CYLC2: variants seen among roughly 807,000 people sequenced by gnomAD.
The protein encoded by CYLC2 is cylicin 2.
CYLC2 carries 30 observed loss-of-function variants against 26.1 expected under a neutral mutation model. That is an observed-to-expected ratio of 1.15 (90% CI 0.86 to 1.56). CYLC2 has a LOEUF of 1.56. Among genes scored for constraint, CYLC2 ranks in the 40% most tolerant of loss-of-function variants. CYLC2 has a pLI of 0.00. For synonymous variants in CYLC2, 158 were observed against 132.8 expected (o/e 1.19, Z -1.31); for missense variants, 498 against 394.4 (o/e 1.26, Z -2.23).
At position 103,014,526 on chromosome 9, in the gene CYLC2, C is replaced by T. The variant is rs1359138397; in HGVS notation, c.*817-2362C>T. On this transcript the variant is annotated intron_variant, in intron 6 of 7. Transcript: ENST00000374798. The stretch of plus-strand genomic sequence containing the variant: ...ATATATGTAATATACATAATATATG[C>T]AATATACATCATATGTATATTATGC... 2.9e-3 allele frequency among the ~76,000 whole-genome samples: 388 copies of T among 135,236 alleles called. 4 individuals are homozygous for T. The highest frequency in any genetic ancestry group is 9.9e-3 in the African/African-American group (364 of 36,714). The allele number at this position is 135,236 out of a possible 152,430, so 88.7% of individuals were successfully genotyped here. A position where few individuals can be genotyped will look rare whatever the true frequency, so the allele number is the denominator to read the frequency against.
Position 103,004,839 on chromosome 9 carries a change from T to C in CYLC2, c.325T>C (p.Ser109Pro). The C allele has an allele frequency of 6.2e-7, 1 of 1,609,548 alleles. No individual in the cohort carries two copies. The highest frequency in any genetic ancestry group is 8.5e-7 in the Non-Finnish European group (1 of 1,178,926). Residue 109 changes from serine to proline, a missense_variant, in exon 4 of 8, where the codon TCT becomes CCT. Ser to Pro is a moderately conservative substitution (Grantham distance 74). Coordinates refer to ENST00000374798, the MANE Select transcript of CYLC2 (RefSeq NM_001340.5). ...LKPTRTVEVD[S>P]KAAEIGKKGE... ...ACCAACTCGTACTGTCGAGGTGGAT[T>C]CTAAAGCAGCAGGTAGAGATAACTT...
At chr9:103,015,386 A>AATAT (rs35076749) in intron 6 of CYLC2, among the ~76,000 whole-genome samples, 3 of 64,430 alleles carry the variant, frequency 4.7e-5, no homozygotes, top group Non-Finnish European at 8.5e-5. Context: ...ATATATATTA[A>AATAT]ATATATATAT....
intron 6 of CYLC2, among the ~76,000 whole-genome samples, chr9:103,013,342 T>C (rs1404888598): frequency 1.4e-5 from 1 of 71,570 alleles, no homozygotes; most frequent in Non-Finnish European, 2.4e-5. Flanking sequence ...TAATATATTA[T>C]ATAAATATAT....
chr9:102,997,608 A>C (rs1829250759), intron 1 of CYLC2, among the ~76,000 whole-genome samples: 1 of 151,980 alleles, frequency 6.6e-6, no homozygotes. Context: ...CCTGCAGCTG[A>C]TGCAGATTCC....
At chr9:103,007,571 T>C (rs926602272) in intron 5 of CYLC2, among the ~76,000 whole-genome samples, 1 of 152,198 alleles carries the variant, frequency 6.6e-6, no homozygotes, top group Admixed American at 6.5e-5. Flanking sequence ...TATTAAACTC[T>C]GTTGTGACCC....
Position 103,004,797 on chromosome 9 carries a change from A to T in CYLC2, c.283A>T (p.Arg95Trp). 6.2e-7 allele frequency: 1 copy of T among 1,612,730 alleles called. No homozygotes were observed. Among genetic ancestry groups the T allele is most frequent in the African/African-American group, 1.3e-5 (1 of 74,992 alleles). The change falls in exon 4 of 8, where the codon AGG becomes TGG. Residue 95 changes from arginine to tryptophan, a missense_variant. Arg to Trp is a moderately radical substitution (Grantham distance 101). Transcript: ENST00000374798. ...GAGACCATCTGTTTATTTAGCTGCC[A>T]GGAGGCAGCCTCTCAAACCAACTCG... is the stretch of plus-strand genomic sequence containing the variant. ...SERPSVYLAA[R>W]RQPLKPTRTV... is the part of the protein sequence containing the mutation.
At chr9:103,014,417 ACAT>A (rs1284308505) in intron 6 of CYLC2, among the ~76,000 whole-genome samples, 1 of 71,852 alleles carries the variant, frequency 1.4e-5, no homozygotes, top group Non-Finnish European at 2.8e-5. Context: ...ACGTAATGTA[ACAT>A]AATAACATAA....
In CYLC2 at chr9:103,005,463, A is replaced by T; in HGVS notation, c.832A>T (p.Ser278Cys). 6.2e-7 allele frequency: 1 copy of T among 1,613,670 alleles called. No homozygotes were observed. Among genetic ancestry groups the T allele is most frequent in the Non-Finnish European group, 8.5e-7 (1 of 1,179,914 alleles). ...KKGKKDKKKP[S>C]STDSDSKDDV... is the part of the protein sequence containing the mutation. ...AGGTAAGAAAGATAAGAAGAAGCCC[A>T]GTAGTACAGACAGTGACTCAAAGGA... The change falls in exon 5 of 8, where the codon AGT (serine) becomes TGT (cysteine). Residue 278 changes from serine (S) to cysteine (C), a missense_variant. By Grantham distance (112) the Ser-to-Cys change is moderately radical. Transcript: ENST00000374798.
Position 103,005,800 on chromosome 9 carries a change from A to G in CYLC2, c.*122A>G. The stretch of plus-strand genomic sequence containing the variant: ...GCCTCAAAGAATTAAATAATTTTTA[A>G]AAGGTGGTAAAGAAGGATACAAAGG... On this transcript the variant is annotated 3_prime_UTR_variant, in exon 5 of 8. Transcript: ENST00000374798. 1 of 1,082,454 alleles carries G rather than the reference A, an allele frequency of 9.2e-7. No individual in the cohort carries two copies. Among genetic ancestry groups the G allele is most frequent in the Non-Finnish European group, 1.3e-6 (1 of 748,572 alleles). The allele number at this position is 1,082,454 out of a possible 1,614,324, so 67.1% of individuals were successfully genotyped here.
intron 5 of CYLC2, among the ~76,000 whole-genome samples, chr9:103,011,722 G>T (rs1005196558): frequency 2.0e-5 from 3 of 151,854 alleles, no homozygotes; most frequent in Non-Finnish European, 4.4e-5. Flanking sequence ...AGAAAATTTT[G>T]CCTCTAGAGA....
chr9:103,000,383 T>C (rs1829276812), intron 1 of CYLC2, among the ~76,000 whole-genome samples: 1 of 152,048 alleles, frequency 6.6e-6, no homozygotes, highest in Admixed American at 6.6e-5. Context: ...TAATAGTGTT[T>C]CATGAACTTA....
chr9:102,998,733 A>G (rs1000206693), intron 1 of CYLC2, among the ~76,000 whole-genome samples: 3 of 151,976 alleles, frequency 2.0e-5, no homozygotes. Context: ...GAAAACTTTG[A>G]TCACACAAAA....
intron 1 of CYLC2, among the ~76,000 whole-genome samples, chr9:102,999,354 T>C (rs1447699255): frequency 6.6e-6 from 1 of 151,878 alleles, no homozygotes; most frequent in East Asian, 1.9e-4. Flanking sequence ...TTATTACATT[T>C]GATTGGCAGC....
intron 6 of CYLC2, among the ~76,000 whole-genome samples, chr9:103,013,902 AATATT>A (rs1201234328): frequency 9.0e-6 from 1 of 111,140 alleles, no homozygotes; most frequent in Non-Finnish European, 1.6e-5. Flanking sequence ...TATTATATAT[AATATT>A]ATATTATACA....
At position 103,005,048 on chromosome 9, in the gene CYLC2, A is replaced by T; in HGVS notation, c.417A>T (p.Lys139Asn). 6.3e-7 allele frequency: 1 copy of T among 1,598,950 alleles called. No homozygotes were observed. Among genetic ancestry groups the T allele is most frequent in the South Asian group, 1.1e-5 (1 of 88,816 alleles). The change falls in exon 5 of 8, where the codon AAA becomes AAT. Residue 139 changes from lysine (K) to asparagine (N), a missense_variant. Transcript: ENST00000374798. ...DSESELKQGK[K>N]DSKKGKDIEK... ...AATCAGAATTAAAACAAGGAAAAAA[A>T]GATTCAAAGAAAGGCAAGGATATAG...
At chr9:103,013,632 A>T (rs1178586688) in intron 6 of CYLC2, among the ~76,000 whole-genome samples, 11 of 111,712 alleles carry the variant, frequency 9.8e-5, no homozygotes, top group Admixed American at 5.9e-4. Context: ...TGTTATATAG[A>T]TATATATTTA....
chr9:103,012,564 G>C (rs140160952), intron 6 of CYLC2, among the ~76,000 whole-genome samples: 1 of 151,894 alleles, frequency 6.6e-6, no homozygotes, highest in Non-Finnish European at 1.5e-5. Flanking sequence ...AGCCTAATCT[G>C]AGCCCTAATC....
chr9:103,013,744 A>G (rs1289538149), intron 6 of CYLC2, among the ~76,000 whole-genome samples: 5 of 111,174 alleles, frequency 4.5e-5, no homozygotes, highest in Non-Finnish European at 8.2e-5. Context: ...ATAATTATAT[A>G]TTATATTATA....
intron 7 of CYLC2, 127 bp from the exon 8 acceptor site, chr9:103,018,198 A>T (rs1273706705): frequency 6.6e-6 from 1 of 152,090 alleles, no homozygotes; most frequent in Non-Finnish European, 1.5e-5. Flanking sequence ...AATGAGGAGA[A>T]CTTTATGACA....
Sources: gnomAD v4.1 joint callset for allele counts (sites outside exome capture counted in the v4.1 genomes callset) on GRCh38, gnomAD v4.1.1 for gene constraint, MANE v1.5 for transcripts, NCBI Gene and HGNC (gene_info 2026-07-23, HGNC 2026-07-21) for gene names.